Variants in ZER1 observed in about 807,000 individuals in gnomAD.
The protein encoded by ZER1 is protein zer-1 homolog.
In ZER1, 11 loss-of-function variants were observed where a neutral mutation model predicts 78.8. The ratio of observed to expected loss-of-function variants is 0.14; its 90% CI spans 0.09 to 0.23. The LOEUF is 0.23. Ranked by LOEUF, ZER1 falls within the 10% of genes least tolerant of loss-of-function variation. ZER1 has a pLI of 1.00. For synonymous variants in ZER1, 400 were observed against 407.0 expected (o/e 0.98, Z 0.21); for missense variants, 588 against 996.9 (o/e 0.59, Z 5.52).
rs1409189886 is a variant in ZER1, at chr9:128,731,304, C to T, written c.*33G>A. The T allele has an allele frequency of 6.2e-7, 1 of 1,610,286 alleles. No individual in the cohort carries two copies. Among genetic ancestry groups the T allele is most frequent in the African/African-American group, 1.3e-5 (1 of 74,836 alleles). ...AGCATGCTTCCTCCCCGCCTGTGGT[C>T]CAGAGCGGTGGCGGCCATGGGGACG... On this transcript the variant is annotated 3_prime_UTR_variant, in exon 16 of 16. Transcript: ENST00000291900.
intron 1 of ZER1, among the ~76,000 whole-genome samples, chr9:128,761,491 T>C (rs1864043962): frequency 6.6e-6 from 1 of 150,788 alleles, no homozygotes; most frequent in Non-Finnish European, 1.5e-5. Flanking sequence ...TTTGCTATGT[T>C]AGCCAGGCTG....
Position 128,752,703 on chromosome 9 carries a change from G to A in ZER1, c.893C>T (p.Ser298Phe). ...CTGCCCCGCTTCCTCTTCCATCTTG[G>A]AGATGCTGCAGTTCTCTAGGATCAT... ...GHMILENCSI[S>F]KMEEEAGQTS... Residue 298 changes from serine (S) to phenylalanine (F), a missense_variant, in exon 5 of 16, where the codon TCC becomes TTC. Coordinates refer to ENST00000291900, the MANE Select transcript of ZER1 (RefSeq NM_006336.4). The A allele has an allele frequency of 6.2e-7, 1 of 1,613,816 alleles. No individual in the cohort carries two copies. The highest frequency in any genetic ancestry group is 8.5e-7 in the Non-Finnish European group (1 of 1,179,866).
rs1863250197 is a variant in ZER1, at chr9:128,740,436, T to C, written c.1854-317A>G. Among the ~76,000 whole-genome samples the C allele has an allele frequency of 6.6e-6, 1 of 151,724 alleles. No homozygotes were observed. Among genetic ancestry groups the C allele is most frequent in the Non-Finnish European group, 1.5e-5 (1 of 67,942 alleles). On this transcript the variant is annotated intron_variant, in intron 12 of 15. Coordinates refer to ENST00000291900, the MANE Select transcript of ZER1 (RefSeq NM_006336.4). The surrounding 1 kb of genome is among the most constrained non-coding windows in gnomAD (Gnocchi z 4.4). Reference sequence around the variant, plus strand: ...CTACTAAAAATACAAAAAAATTAGCTGGGCGTGGTGGCAGGCGCCTGTAGT... The same window carrying C: ...CTACTAAAAATACAAAAAAATTAGCCGGGCGTGGTGGCAGGCGCCTGTAGT...
At chr9:128,758,659 C>G (rs1480072017) in intron 1 of ZER1, among the ~76,000 whole-genome samples, 1 of 151,980 alleles carries the variant, frequency 6.6e-6, no homozygotes, top group East Asian at 1.9e-4. Context: ...AGGCTGGTCT[C>G]AAACTCTTGT....
In ZER1 at chr9:128,755,972, A is replaced by C. The variant is rs767674529; in HGVS notation, c.-94-313T>G. On this transcript the variant is annotated intron_variant, in intron 1 of 15. Coordinates refer to ENST00000291900, the MANE Select transcript of ZER1 (RefSeq NM_006336.4). This position sits in a 1 kb window ranked among gnomAD's most constrained non-coding sequence, Gnocchi z 5.6. ...CTCTTCAGCTTCCCACAGTCTGAAG[A>C]GCTACACTGGGGTGTTCCATGCTGT... is the stretch of plus-strand genomic sequence containing the variant. 6.6e-6 allele frequency among the ~76,000 whole-genome samples: 1 copy of C among 152,190 alleles called. No individual in the cohort carries two copies. The highest frequency in any genetic ancestry group is 1.5e-5 in the Non-Finnish European group (1 of 68,044).
chr9:128,752,629 G>A (rs1400024976), intron 5 of ZER1, 44 bp downstream of exon 5: 2 of 1,568,766 alleles, frequency 1.3e-6, no homozygotes, highest in Non-Finnish European at 1.7e-6. Flanking sequence ...CTAAATGCCT[G>A]TTGAATGACA....
chr9:128,738,848 ATTT>A (rs71381801), intron 13 of ZER1, among the ~76,000 whole-genome samples: 4 of 58,506 alleles, frequency 6.8e-5, no homozygotes, highest in Non-Finnish European at 3.4e-5. Flanking sequence ...CACCCAGCTC[ATTT>A]TTTTTTTTTT....
At position 128,751,284 on chromosome 9, in the gene ZER1, G is replaced by A. The variant is rs773298972; in HGVS notation, c.1039-16C>T. The A allele has an allele frequency of 1.3e-5, 20 of 1,599,126 alleles. No homozygotes were observed. Among genetic ancestry groups the A allele is most frequent in the Middle Eastern group, 3.3e-4 (2 of 6,054 alleles). On this transcript the variant is annotated splice_polypyrimidine_tract_variant and intron_variant, in intron 6 of 15. Transcript: ENST00000291900. The surrounding 1 kb of genome is among the most constrained non-coding windows in gnomAD (Gnocchi z 5.4). ...CACCACTTACCTGCGGGTGGGACAC[G>A]CTCAGAACAACCCAGCAGAGGCCAA...
intron 9 of ZER1, among the ~76,000 whole-genome samples, chr9:128,742,160 T>G (rs956333565): frequency 6.6e-6 from 1 of 152,226 alleles, no homozygotes; most frequent in Admixed American, 6.5e-5. Context: ...TGTCATTCTT[T>G]CCTTCCTTTC....
chr9:128,751,438 C>A lies in ZER1; in HGVS notation c.1013G>T (p.Arg338Leu), dbSNP rs760718189. ...FLGLFENSLC[R>L]LTHIPAYKVS... ...TTTGTAGGCTGGAATGTGCGTGAGG[C>A]GGCACAGAGAGTTCTCAAAGAGCCC... The change falls in exon 6 of 16, where the codon CGC becomes CTC. Residue 338 changes from arginine to leucine, a missense_variant. Physicochemically the swap from Arg to Leu is moderately radical, Grantham distance 102 (BLOSUM62 -2). Transcript: ENST00000291900. This position sits in a 1 kb window ranked among gnomAD's most constrained non-coding sequence, Gnocchi z 5.4. 1 of 1,613,960 alleles carries A rather than the reference C, an allele frequency of 6.2e-7. No individual in the cohort carries two copies. The highest frequency in any genetic ancestry group is 8.5e-7 in the Non-Finnish European group (1 of 1,180,030).
chr9:128,737,680 A>G (rs1356745929), intron 13 of ZER1, among the ~76,000 whole-genome samples: 6 of 152,116 alleles, frequency 3.9e-5, no homozygotes, highest in Non-Finnish European at 7.4e-5. Context: ...AGGGAGTGAG[A>G]TTATGAACGA....
Position 128,731,307 on chromosome 9 carries a change from G to T in ZER1, c.*30C>A. ...ATGCTTCCTCCCCGCCTGTGGTCCA[G>T]AGCGGTGGCGGCCATGGGGACGGAG... On this transcript the variant is annotated 3_prime_UTR_variant, in exon 16 of 16. Transcript: ENST00000291900. 1 of 1,610,936 alleles carries T rather than the reference G, an allele frequency of 6.2e-7. No individual in the cohort carries two copies. The highest frequency in any genetic ancestry group is 1.1e-5 in the South Asian group (1 of 90,756).
At chr9:128,752,327 CTTT>C (rs144410732) in intron 5 of ZER1, among the ~76,000 whole-genome samples, 10 of 143,362 alleles carry the variant, frequency 7.0e-5, no homozygotes, top group Admixed American at 7.0e-5. Flanking sequence ...CAAATACTTT[CTTT>C]TTTTTTTTTT....
rs74310390 is a variant in ZER1 at position 128,731,153 on chromosome 9, T to A, written c.*184A>T. ...TCACACTTCCTAACCAAAAAAAAAA[T>A]ATATATATATAATATATATATATCT... On this transcript the variant is annotated 3_prime_UTR_variant, in exon 16 of 16. Coordinates refer to ENST00000291900, the MANE Select transcript of ZER1 (RefSeq NM_006336.4). The A allele has an allele frequency of 3.3e-3, 752 of 227,066 alleles. 8 individuals are homozygous for A. The highest frequency in any genetic ancestry group is 0.029 in the East Asian group (321 of 11,094). 14.1% of individuals were successfully genotyped at this position (227,066 alleles called of 1,614,324 possible). A position where few individuals can be genotyped will look rare whatever the true frequency, so the allele number is the denominator to read the frequency against.
At chr9:128,758,425 C>T (rs1473431692) in intron 1 of ZER1, among the ~76,000 whole-genome samples, 1 of 149,412 alleles carries the variant, frequency 6.7e-6, no homozygotes, top group African/African-American at 2.5e-5. Flanking sequence ...TGTGCCTGGC[C>T]TTAATTTTTA....
intron 8 of ZER1, among the ~76,000 whole-genome samples, chr9:128,744,327 G>C (rs1014106804): frequency 2.0e-5 from 3 of 151,996 alleles, no homozygotes; most frequent in African/African-American, 7.3e-5. Context: ...AAGTAGCTGG[G>C]ATTATAGGTG....
intron 8 of ZER1, among the ~76,000 whole-genome samples, chr9:128,749,043 T>A (rs567792252): frequency 1.4e-5 from 2 of 146,838 alleles, no homozygotes; most frequent in East Asian, 2.1e-4. Context: ...ATATATATAT[T>A]GTGGCTGAGC....
At chr9:128,733,817 A>AT in intron 14 of ZER1, among the ~76,000 whole-genome samples, 1 of 145,280 alleles carries the variant, frequency 6.9e-6, no homozygotes, top group African/African-American at 2.5e-5. Context: ...TATATATATA[A>AT]AATATATAAT....
chr9:128,753,839 C>T lies in ZER1; in HGVS notation c.279G>A (p.Gln93=), dbSNP rs138443710. ...TGCGGATGGCCTCCAGGTCCTGGTC[C>T]TGCACCAGGTCCTCACGGAGGTGGA... The part of the protein sequence containing the change: ...TRIHLREDLV[Q]DQDLEAIRKQ... Residue 93 remains glutamine (Q), a synonymous_variant, in exon 3 of 16, where the codon CAG becomes CAA. Coordinates refer to ENST00000291900, the MANE Select transcript of ZER1 (RefSeq NM_006336.4). The surrounding 1 kb of genome is among the most constrained non-coding windows in gnomAD (Gnocchi z 7.5). The T allele has an allele frequency of 2.1e-5, 33 of 1,601,322 alleles. No homozygotes were observed. The African/African-American group carries it at 3.2e-4, about 16-fold the overall frequency.
Sources: gnomAD v4.1 joint callset for allele counts (sites outside exome capture counted in the v4.1 genomes callset) on GRCh38, gnomAD v4.1.1 for gene constraint, Gnocchi (gnomAD v3.1) non-coding constraint, MANE v1.5 for transcripts, NCBI Gene and HGNC (gene_info 2026-07-23, HGNC 2026-07-21) for gene names.